ASXL3: variants seen among roughly 807,000 people sequenced by gnomAD.
ASXL3 encodes putative Polycomb group protein ASXL3.
Under a neutral mutation model 170.6 loss-of-function variants are expected in ASXL3, and 34 were observed. That is an observed-to-expected ratio of 0.20 (90% CI 0.15 to 0.27). The LOEUF (loss-of-function observed/expected upper bound fraction) is 0.27. ASXL3 is among the 10% of genes least tolerant of loss of function. The pLI, the probability that ASXL3 is intolerant of heterozygous loss-of-function variation, is 1.00. For missense variants in ASXL3, 2,592 were observed against 2,695.3 expected (o/e 0.96, Z 0.85); for synonymous variants, 1,002 against 989.1 (o/e 1.01, Z -0.24).
In ASXL3 at chr18:33,640,266, C is replaced by CAT. The variant is rs144189281; in HGVS notation, c.138-4615_138-4614dup. 7.2e-4 allele frequency among the ~76,000 whole-genome samples: 108 copies of CAT among 150,566 alleles called. 1 individual carries two copies. The highest frequency in any genetic ancestry group is 7.0e-3 in the East Asian group (36 of 5,138). On this transcript the variant is annotated intron_variant, in intron 2 of 11. Coordinates refer to ENST00000269197, the MANE Select transcript of ASXL3 (RefSeq NM_030632.3). Reference sequence around the variant, plus strand: ...TATAACTATATACATATATTACAAACATATATATATATATCATTCAGATAA... The same window carrying CAT: ...TATAACTATATACATATATTACAAACATATATATATATATATCATTCAGATAA...
Position 33,745,345 on chromosome 18 carries a change from A to G in ASXL3, c.5497A>G (p.Arg1833Gly). 1 of 1,614,014 alleles carries G rather than the reference A, an allele frequency of 6.2e-7. No homozygotes were observed. The highest frequency in any genetic ancestry group is 8.5e-7 in the Non-Finnish European group (1 of 1,179,888). The stretch of plus-strand genomic sequence containing the variant: ...AAACCACCCCAAAAAGAGAGTAGCT[A>G]GGACTGTAGGAGAACACACTCAAGT... ...RENHPKKRVA[R>G]TVGEHTQVKC... Residue 1833 changes from arginine (R) to glycine (G), a missense_variant, in exon 12 of 12, where the codon AGG becomes GGG. By Grantham distance (125) the Arg-to-Gly change is moderately radical (BLOSUM62 -2). Transcript: ENST00000269197.
rs150766389 is a variant in ASXL3, at chr18:33,697,865, A to G, written c.879+14297A>G. ...AAAAAAATCATAATAATTTTAGAAA[A>G]CATTCAGCTGAAGAACTCCAGAATT... On this transcript the variant is annotated intron_variant, in intron 8 of 11. Transcript: ENST00000269197. 3.3e-4 allele frequency among the ~76,000 whole-genome samples: 50 copies of G among 152,130 alleles called. No homozygotes were observed. In the Middle Eastern group the frequency reaches 0.01, roughly 31 times the overall value.
At chr18:33,721,173 T>C (rs182690608) in intron 8 of ASXL3, among the ~76,000 whole-genome samples, 16 of 152,072 alleles carry the variant, frequency 1.1e-4, no homozygotes, top group African/African-American at 3.9e-4. Flanking sequence ...TCCTACAGTC[T>C]TATTCTAAGG....
chr18:33,719,805 T>C lies in ASXL3; in HGVS notation c.880-12163T>C, dbSNP rs373750729. Among the ~76,000 whole-genome samples, 3 of 152,050 alleles carry C rather than the reference T, an allele frequency of 2.0e-5. No individual in the cohort carries two copies. The South Asian group carries it at 6.2e-4, about 32-fold the overall frequency. The stretch of plus-strand genomic sequence containing the variant: ...CATCTGTGAACCAAGAAACAGGCCC[T>C]CCCCAGACACTGAATCTGCTGGTAC... On this transcript the variant is annotated intron_variant, in intron 8 of 11. Transcript: ENST00000269197.
chr18:33,693,123 A>C (rs2066712315), intron 8 of ASXL3, among the ~76,000 whole-genome samples: 2 of 152,186 alleles, frequency 1.3e-5, no homozygotes, highest in South Asian at 2.1e-4. Context: ...GGCGCAATTC[A>C]GTCCATATTG....
intron 7 of ASXL3, among the ~76,000 whole-genome samples, chr18:33,682,635 C>T (rs2066532061): frequency 6.6e-6 from 1 of 152,128 alleles, no homozygotes; most frequent in Non-Finnish European, 1.5e-5. Context: ...GCACCCCTAC[C>T]TCCCGCGCTT....
intron 1 of ASXL3, among the ~76,000 whole-genome samples, chr18:33,599,776 A>G (rs570550319): frequency 3.3e-5 from 5 of 152,256 alleles, no homozygotes; most frequent in Non-Finnish European, 4.4e-5. Context: ...AGCCTAAATA[A>G]CTGGATTAAA....
Position 33,747,459 on chromosome 18 carries a change from A to T in ASXL3, c.*864A>T, listed in dbSNP as rs2067815335. 1 of 152,022 alleles carries T rather than the reference A, an allele frequency of 6.6e-6. No individual in the cohort carries two copies. Among genetic ancestry groups the T allele is most frequent in the African/African-American group, 2.4e-5 (1 of 41,388 alleles). The allele number at this position is 152,022 out of a possible 1,614,324, so 9.4% of individuals were successfully genotyped here. A position where few individuals can be genotyped will look rare whatever the true frequency, so the allele number is the denominator to read the frequency against. ...CTAAACTTCAAAGCAAGGAAATAAG[A>T]TGCTGTATATGCACACATAAATGCA... On this transcript the variant is annotated 3_prime_UTR_variant, in exon 12 of 12. Coordinates refer to ENST00000269197, the MANE Select transcript of ASXL3 (RefSeq NM_030632.3).
chr18:33,634,329 CTT>C (rs879705294), intron 2 of ASXL3, among the ~76,000 whole-genome samples: 13 of 137,914 alleles, frequency 9.4e-5, no homozygotes, highest in African/African-American at 8.0e-5. Flanking sequence ...ATAGTTGCTT[CTT>C]TTTTTTTTTT....
intron 1 of ASXL3, among the ~76,000 whole-genome samples, chr18:33,594,842 T>C (rs553116856): frequency 6.6e-6 from 1 of 152,276 alleles, no homozygotes; most frequent in South Asian, 2.1e-4. Flanking sequence ...CCCAAAGTGC[T>C]GGGATTACAG....
chr18:33,742,346 CAGAG>C (rs1479139061), intron 11 of ASXL3, among the ~76,000 whole-genome samples: 1 of 152,154 alleles, frequency 6.6e-6, no homozygotes, highest in East Asian at 1.9e-4. Context: ...GTTCTTGGCT[CAGAG>C]AGATTATTGG....
chr18:33,676,438 C>T (rs187399921), intron 7 of ASXL3, among the ~76,000 whole-genome samples: 101 of 151,950 alleles, frequency 6.6e-4, no homozygotes, highest in African/African-American at 2.2e-3. Flanking sequence ...GACTTGGTCA[C>T]GGGGTGAGTG....
chr18:33,694,042 G>T lies in ASXL3; in HGVS notation c.879+10474G>T, dbSNP rs78170268. 2.6e-3 allele frequency among the ~76,000 whole-genome samples: 392 copies of T among 152,262 alleles called. 5 individuals are homozygous for T. The East Asian group carries it at 0.04, about 16-fold the overall frequency. ...TATGATCAGGTTTAGGCAAACACAT[G>T]GGTCAAAGTCATCTTCTTGACCACA... is the stretch of plus-strand genomic sequence containing the variant. On this transcript the variant is annotated intron_variant, in intron 8 of 11. Coordinates refer to ENST00000269197, the MANE Select transcript of ASXL3 (RefSeq NM_030632.3).
rs367851429 is a variant in ASXL3 at position 33,744,048 on chromosome 18, T to C, written c.4200T>C (p.Ser1400=). Reference sequence around the variant, plus strand: ...GAGCAGCCCTCAGCTGCAGTGATTCTGTAGCGGTCACAGACTCTCTGGTTG... The same window carrying C: ...GAGCAGCCCTCAGCTGCAGTGATTCCGTAGCGGTCACAGACTCTCTGGTTG... ...TVRAALSCSD[S]VAVTDSLVAH... The change falls in exon 12 of 12, where the codon TCT becomes TCC. Residue 1400 remains serine (S), a synonymous_variant. Coordinates refer to ENST00000269197, the MANE Select transcript of ASXL3 (RefSeq NM_030632.3). 4.3e-6 allele frequency: 7 copies of C among 1,613,940 alleles called. No individual in the cohort carries two copies. In the East Asian group the frequency reaches 6.7e-5, roughly 15 times the overall value.
At chr18:33,599,704 T>A (rs1365990119) in intron 1 of ASXL3, among the ~76,000 whole-genome samples, 1 of 152,142 alleles carries the variant, frequency 6.6e-6, no homozygotes, top group African/African-American at 2.4e-5. Context: ...TGGAGGAGAT[T>A]TCTGGGATGA....
intron 1 of ASXL3, among the ~76,000 whole-genome samples, chr18:33,597,628 C>T (rs1443905029): frequency 2.6e-5 from 4 of 151,924 alleles, no homozygotes; most frequent in Admixed American, 6.6e-5. Context: ...AATTATCCTC[C>T]AAGTGAGATT....
rs1481825742 is a variant in ASXL3 at position 33,584,855 on chromosome 18, TTTTATA to T, written c.54+6178_54+6183del. Among the ~76,000 whole-genome samples, 6 of 152,130 alleles carry T rather than the reference TTTTATA, an allele frequency of 3.9e-5. 1 individual carries two copies. The highest frequency in any genetic ancestry group is 1.4e-4 in the African/African-American group (6 of 41,516). On this transcript the variant is annotated intron_variant, in intron 1 of 11. Transcript: ENST00000269197. ...GCATGCACACACATACACATACACA[TTTTATA>T]TTTATATGTTGTGTATATATGTGTG...
intron 8 of ASXL3, among the ~76,000 whole-genome samples, chr18:33,708,769 C>A (rs116824375): frequency 2.0e-5 from 3 of 152,136 alleles, no homozygotes; most frequent in Non-Finnish European, 4.4e-5. Context: ...GAACCACTTA[C>A]GTAGAGATCT....
chr18:33,723,065 T>C (rs2067289355), intron 8 of ASXL3, among the ~76,000 whole-genome samples: 2 of 152,174 alleles, frequency 1.3e-5, no homozygotes, highest in Admixed American at 6.5e-5. Context: ...TTCAAAATAT[T>C]ACTGCTCATT....
Sources: gnomAD v4.1 joint callset for allele counts (sites outside exome capture counted in the v4.1 genomes callset) on GRCh38, gnomAD v4.1.1 for gene constraint, MANE v1.5 for transcripts, NCBI Gene and HGNC (gene_info 2026-07-23, HGNC 2026-07-21) for gene names.